Variants in NPM2 observed in about 807,000 individuals in gnomAD.
NPM2 encodes the protein nucleophosmin/nucleoplasmin 2.
NPM2 carries 25 observed loss-of-function variants against 32.0 expected under a neutral mutation model. That is an observed-to-expected ratio of 0.78 (90% CI 0.57 to 1.09). NPM2 has a LOEUF of 1.09. Ranked by LOEUF, NPM2 falls within the 50% of genes least tolerant of loss-of-function variation. The pLI, the probability that NPM2 is intolerant of heterozygous loss-of-function variation, is 0.00. For synonymous variants in NPM2, 111 were observed against 94.2 expected (o/e 1.18, Z -1.04); for missense variants, 282 against 259.9 (o/e 1.08, Z -0.58).
At chr8:22,035,549 C>T (rs1800591391) in intron 8 of NPM2, among the ~76,000 whole-genome samples, 1 of 152,236 alleles carries the variant, frequency 6.6e-6, no homozygotes, top group Admixed American at 6.5e-5. Flanking sequence ...ACTGGAATTA[C>T]AAGTGTGAGC....
chr8:22,036,846 C>A lies in NPM2; in HGVS notation c.*164C>A. Reference sequence around the variant, plus strand: ...CCCCCAACTCTCCACTTTCAGGAGGCCCCCAGTGAAGAGCCCCACCTCGGG... The same window carrying A: ...CCCCCAACTCTCCACTTTCAGGAGGACCCCAGTGAAGAGCCCCACCTCGGG... On this transcript the variant is annotated 3_prime_UTR_variant, in exon 10 of 10. Coordinates refer to ENST00000518119, the MANE Select transcript of NPM2 (RefSeq NM_001286680.2). The A allele has an allele frequency of 3.0e-6, 2 of 675,916 alleles. No homozygotes were observed. The highest frequency in any genetic ancestry group is 4.8e-6 in the Non-Finnish European group (2 of 419,252). The allele number at this position is 675,916 out of a possible 1,614,324, so 41.9% of individuals were successfully genotyped here.
In NPM2 at chr8:22,024,842, T is replaced by TG. The variant is rs925199092; in HGVS notation, c.-34+18dup. 5.9e-5 allele frequency: 11 copies of TG among 185,118 alleles called. No homozygotes were observed. The highest frequency in any genetic ancestry group is 1.2e-4 in the African/African-American group (5 of 42,080). The allele number at this position is 185,118 out of a possible 1,614,324, so 11.5% of individuals were successfully genotyped here. On this transcript the variant is annotated intron_variant, in intron 2 of 9. Coordinates refer to ENST00000518119, the MANE Select transcript of NPM2 (RefSeq NM_001286680.2). ...GCGGAGCAGCGACAGTAAGGCTGTG[T>TG]GGGGGGAGCTGGGACCTAAGCCGCG... is the stretch of plus-strand genomic sequence containing the variant.
At chr8:22,030,953 G>C (rs1368779852) in intron 5 of NPM2, among the ~76,000 whole-genome samples, 1 of 152,180 alleles carries the variant, frequency 6.6e-6, no homozygotes, top group Non-Finnish European at 1.5e-5. Context: ...TGTATGTTTT[G>C]TAATTTTATA....
At chr8:22,024,970 G>A (rs1800183497) in intron 2 of NPM2, 140 bp downstream of exon 2, 1 of 465,386 alleles carries the variant, frequency 2.1e-6, no homozygotes, top group Admixed American at 4.2e-5. Context: ...GCCTGAGCTC[G>A]GTGGACAGCT....
intron 5 of NPM2, among the ~76,000 whole-genome samples, chr8:22,027,832 C>T (rs1800306955): frequency 6.6e-6 from 1 of 152,134 alleles, no homozygotes; most frequent in Non-Finnish European, 1.5e-5. Context: ...GTCTCGAACT[C>T]CTGACCTCAG....
intron 5 of NPM2, among the ~76,000 whole-genome samples, chr8:22,026,233 C>G (rs893950026): frequency 1.3e-5 from 2 of 151,968 alleles, no homozygotes; most frequent in Non-Finnish European, 2.9e-5. Context: ...CAGTTTCATC[C>G]CAAAACCACC....
At position 22,025,425 on chromosome 8, in the gene NPM2, C is replaced by T. The variant is rs145049051; in HGVS notation, c.59-11C>T. On this transcript the variant is annotated splice_polypyrimidine_tract_variant and intron_variant, in intron 3 of 9. Coordinates refer to ENST00000518119, the MANE Select transcript of NPM2 (RefSeq NM_001286680.2). ...TGGAGGGCCCCACTTCCCTCCCTTTCTCCTCCGCAGGCTGCGAGCTCAGTC... is the reference window on the plus strand; with the variant it reads ...TGGAGGGCCCCACTTCCCTCCCTTTTTCCTCCGCAGGCTGCGAGCTCAGTC... The T allele has an allele frequency of 1.5e-4, 249 of 1,613,076 alleles. No homozygotes were observed. The Middle Eastern group carries it at 1.7e-3, about 11-fold the overall frequency.
chr8:22,034,192 G>A lies in NPM2; in HGVS notation c.448G>A (p.Asp150Asn). 1 of 1,613,148 alleles carries A rather than the reference G, an allele frequency of 6.2e-7. No individual in the cohort carries two copies. The highest frequency in any genetic ancestry group is 8.5e-7 in the Non-Finnish European group (1 of 1,179,680). ...EEEEEDDEDE[D>N]ADISLEEQSP... ...GGAAGAGGAAGATGATGAGGATGAG[G>A]ATGCAGATATATCTCTGGAGGAGCA... The change falls in exon 7 of 10, where the codon GAT becomes AAT. Residue 150 changes from aspartate to asparagine, a missense_variant. Coordinates refer to ENST00000518119, the MANE Select transcript of NPM2 (RefSeq NM_001286680.2).
In NPM2 at chr8:22,036,481, A is replaced by T. The variant is rs781418412; in HGVS notation, c.567-12A>T. 5.0e-6 allele frequency: 8 copies of T among 1,603,122 alleles called. No homozygotes were observed. Among genetic ancestry groups the T allele is most frequent in the Non-Finnish European group, 6.8e-6 (8 of 1,175,094 alleles). On this transcript the variant is annotated splice_polypyrimidine_tract_variant and intron_variant, in intron 8 of 9. Transcript: ENST00000518119. ...CCCAATCCCACTCCTGCTCCGCTCC[A>T]CCCTGTTGCAGAGCCAGCGTTAGAG...
Position 22,025,442 on chromosome 8 carries a change from A to G in NPM2, c.65A>G (p.Glu22Gly), listed in dbSNP as rs778655197. The G allele has an allele frequency of 6.2e-7, 1 of 1,613,984 alleles. No homozygotes were observed. Among genetic ancestry groups the G allele is most frequent in the South Asian group, 1.1e-5 (1 of 91,048 alleles). The change falls in exon 4 of 10, where the codon GAG becomes GGG. Residue 22 changes from glutamate (E) to glycine (G), a missense_variant. Physicochemically the swap from Glu to Gly is moderately conservative, Grantham distance 98. Transcript: ENST00000518119. ...KAVTTVLWGC[E>G]LSQERRTWTF... ...CTCCCTTTCTCCTCCGCAGGCTGCG[A>G]GCTCAGTCAGGAGAGGCGGACTTGG...
At chr8:22,032,566 CA>C (rs1347934047) in intron 5 of NPM2, among the ~76,000 whole-genome samples, 1 of 152,180 alleles carries the variant, frequency 6.6e-6, no homozygotes, top group African/African-American at 2.4e-5. Flanking sequence ...AGGGCTTTAG[CA>C]ACAGACGTTT....
chr8:22,035,193 C>G (rs944319542), intron 8 of NPM2, among the ~76,000 whole-genome samples: 1 of 152,240 alleles, frequency 6.6e-6, no homozygotes, highest in Non-Finnish European at 1.5e-5. Flanking sequence ...TAACAATTCA[C>G]TAAGCTACAT....
intron 5 of NPM2, among the ~76,000 whole-genome samples, chr8:22,031,219 T>C (rs1800428953): frequency 6.6e-6 from 1 of 152,202 alleles, no homozygotes; most frequent in African/African-American, 2.4e-5. Flanking sequence ...TCATGCTTTG[T>C]TGTTAGCTTC....
intron 5 of NPM2, among the ~76,000 whole-genome samples, chr8:22,031,876 A>G (rs1273038062): frequency 1.3e-5 from 2 of 152,178 alleles, no homozygotes; most frequent in Non-Finnish European, 2.9e-5. Flanking sequence ...ATCACTAATC[A>G]GAAGGCATCC....
chr8:22,025,190 G>T, intron 2 of NPM2, 26 bp from the exon 3 acceptor site: 3 of 1,577,440 alleles, frequency 1.9e-6, no homozygotes, highest in Non-Finnish European at 1.7e-6. Context: ...AGGGAGCAAG[G>T]CCTCACGCGG....
intron 5 of NPM2, among the ~76,000 whole-genome samples, chr8:22,029,449 C>G (rs1474443686): frequency 6.6e-6 from 1 of 152,078 alleles, no homozygotes; most frequent in African/African-American, 2.4e-5. Context: ...TGGCCTGATT[C>G]TCATCTTTTT....
At chr8:22,026,998 T>C (rs1401435312) in intron 5 of NPM2, among the ~76,000 whole-genome samples, 1 of 152,214 alleles carries the variant, frequency 6.6e-6, no homozygotes, top group Non-Finnish European at 1.5e-5. Flanking sequence ...TTTCTATTCA[T>C]ATGATTCTAG....
Position 22,034,348 on chromosome 8 carries a change from G to A in NPM2, c.531+73G>A, listed in dbSNP as rs187285221. The A allele has an allele frequency of 2.0e-4, 289 of 1,472,040 alleles. 2 individuals are homozygous for A. The East Asian group carries it at 5.4e-3, about 28-fold the overall frequency. 91.2% of individuals were successfully genotyped at this position (1,472,040 alleles called of 1,614,324 possible). A position where few individuals can be genotyped will look rare whatever the true frequency, so the allele number is the denominator to read the frequency against. ...AAGCACTTAAGAGGGGTGGGCCACC[G>A]GGAGCCTGGGCCAGCCTCCCAGAAT... On this transcript the variant is annotated intron_variant, in intron 7 of 9. Transcript: ENST00000518119.
intron 7 of NPM2, 47 bp from the exon 8 acceptor site, chr8:22,034,463 C>T: frequency 1.9e-6 from 3 of 1,566,750 alleles, no homozygotes; most frequent in Non-Finnish European, 2.6e-6. Flanking sequence ...TGTTCTGGCT[C>T]TGGACTTTGT....
Sources: gnomAD v4.1 joint callset for allele counts (sites outside exome capture counted in the v4.1 genomes callset) on GRCh38, gnomAD v4.1.1 for gene constraint, MANE v1.5 for transcripts, NCBI Gene and HGNC (gene_info 2026-07-23, HGNC 2026-07-21) for gene names.